FHIT: variants seen among roughly 807,000 people sequenced by gnomAD.
FHIT encodes fragile histidine triad diadenosine triphosphatase, also known as bis(5'-adenosyl)-triphosphatase.
In FHIT, 19 loss-of-function variants were observed where a neutral mutation model predicts 17.9. The observed-to-expected ratio is 1.06, with a 90% CI of 0.74 to 1.56. FHIT has a LOEUF of 1.56. Among genes scored for constraint, FHIT ranks in the 40% most tolerant of loss-of-function variants. FHIT has a pLI of 0.00. For missense variants in FHIT, 248 were observed against 189.2 expected (o/e 1.31, Z -1.82); for synonymous variants, 81 against 69.7 (o/e 1.16, Z -0.81).
chr3:60,299,636 GA>G (rs1708365434), intron 5 of FHIT, among the ~76,000 whole-genome samples: 1 of 152,084 alleles, frequency 6.6e-6, no homozygotes, highest in Non-Finnish European at 1.5e-5. Flanking sequence ...CTGAGTGGAG[GA>G]AAAGGTACTT....
intron 5 of FHIT, among the ~76,000 whole-genome samples, chr3:60,097,663 T>C (rs1189403722): frequency 6.6e-6 from 1 of 152,150 alleles, no homozygotes. Context: ...TTTCTGATTT[T>C]CTTTTTTTAA....
At chr3:59,814,621 C>G (rs1290993360) in intron 8 of FHIT, among the ~76,000 whole-genome samples, 1 of 152,158 alleles carries the variant, frequency 6.6e-6, no homozygotes, top group Non-Finnish European at 1.5e-5. Context: ...TCCCTTGTCC[C>G]CACATAGGTC....
intron 2 of FHIT, among the ~76,000 whole-genome samples, chr3:61,182,260 G>A (rs966019114): frequency 6.6e-6 from 1 of 152,132 alleles, no homozygotes; most frequent in Non-Finnish European, 1.5e-5. Flanking sequence ...CACGGTTAAA[G>A]TATGAAATGC....
chr3:60,607,546 T>C (rs1174566620), intron 4 of FHIT, among the ~76,000 whole-genome samples: 20 of 152,040 alleles, frequency 1.3e-4, no homozygotes, highest in African/African-American at 3.9e-4. Flanking sequence ...TTCTTTCTGA[T>C]TGAGGTAGCA....
intron 5 of FHIT, among the ~76,000 whole-genome samples, chr3:60,348,663 C>T (rs1273308791): frequency 1.3e-5 from 2 of 152,136 alleles, no homozygotes; most frequent in African/African-American, 4.8e-5. Flanking sequence ...GCAAAAATGG[C>T]CCCATGTAAT....
chr3:60,576,899 C>G (rs2037584628), intron 4 of FHIT, among the ~76,000 whole-genome samples: 1 of 151,314 alleles, frequency 6.6e-6, no homozygotes. Flanking sequence ...CCACATGCTT[C>G]TCATTTCCCA....
chr3:60,041,892 T>C (rs1701454097), intron 5 of FHIT, among the ~76,000 whole-genome samples: 1 of 152,238 alleles, frequency 6.6e-6, no homozygotes, highest in African/African-American at 2.4e-5. Context: ...TCCATGAATA[T>C]CTCAATTTAT....
chr3:60,601,760 A>T (rs573297607), intron 4 of FHIT, among the ~76,000 whole-genome samples: 1 of 152,194 alleles, frequency 6.6e-6, no homozygotes, highest in African/African-American at 2.4e-5. Flanking sequence ...CAGTTTCCTC[A>T]TAAGTGTTTT....
At chr3:60,486,092 T>C (rs1164158907) in intron 5 of FHIT, among the ~76,000 whole-genome samples, 1 of 152,096 alleles carries the variant, frequency 6.6e-6, no homozygotes, top group Non-Finnish European at 1.5e-5. Flanking sequence ...CAATGCCTAT[T>C]TCTACTAACT....
intron 5 of FHIT, among the ~76,000 whole-genome samples, chr3:60,495,354 G>C (rs2034257307): frequency 6.6e-6 from 1 of 152,110 alleles, no homozygotes; most frequent in African/African-American, 2.4e-5. Context: ...TCTTAAAGAA[G>C]AAATGGTCAA....
In FHIT at chr3:60,096,758, G is replaced by A. The variant is rs147586849; in HGVS notation, c.104-82606C>T. Among the ~76,000 whole-genome samples the A allele has an allele frequency of 5.0e-4, 76 of 152,270 alleles. 1 individual carries two copies. The East Asian group carries it at 0.014, about 27-fold the overall frequency. ...ATGGACAAAGAAAAACAAACTGCTG[G>A]CTAAATACAGAGCAGAGAGTGTCAT... On this transcript the variant is annotated intron_variant, in intron 5 of 9. Coordinates refer to ENST00000492590, the MANE Select transcript of FHIT (RefSeq NM_002012.4).
intron 4 of FHIT, among the ~76,000 whole-genome samples, chr3:60,629,166 G>T (rs12152491): frequency 0.72 from 109,898 of 151,892 alleles, 40,201 homozygotes; most frequent in South Asian, 0.84. Flanking sequence ...CTAGTGACCT[G>T]TTCCTCAGTG....
intron 3 of FHIT, among the ~76,000 whole-genome samples, chr3:60,960,414 T>A (rs926759648): frequency 3.9e-5 from 6 of 152,222 alleles, no homozygotes; most frequent in Non-Finnish European, 1.5e-5. Context: ...ATGATGACTA[T>A]TATTTTTTCA....
chr3:60,363,758 C>A (rs926050907), intron 5 of FHIT, among the ~76,000 whole-genome samples: 7 of 152,052 alleles, frequency 4.6e-5, no homozygotes, highest in African/African-American at 1.7e-4. Context: ...TCCCTGGCCC[C>A]CCTGGCCCCC....
intron 5 of FHIT, among the ~76,000 whole-genome samples, chr3:60,084,515 T>C (rs1265112598): frequency 6.6e-6 from 1 of 152,176 alleles, no homozygotes; most frequent in Non-Finnish European, 1.5e-5. Context: ...TAAGCTAAAA[T>C]TGTAATTAAA....
At chr3:61,208,122 G>T (rs1189480553) in intron 1 of FHIT, among the ~76,000 whole-genome samples, 1 of 152,144 alleles carries the variant, frequency 6.6e-6, no homozygotes, top group African/African-American at 2.4e-5. Flanking sequence ...TAATTGAGTG[G>T]TTTTGAGTGA....
At chr3:60,916,889 C>T (rs1553767235) in intron 3 of FHIT, among the ~76,000 whole-genome samples, 3 of 151,984 alleles carry the variant, frequency 2.0e-5, no homozygotes, top group African/African-American at 7.2e-5. Flanking sequence ...GAAGAGAATA[C>T]AGAATTAGAA....
chr3:59,920,158 T>C (rs1240903020), intron 8 of FHIT, among the ~76,000 whole-genome samples: 1 of 152,194 alleles, frequency 6.6e-6, no homozygotes, highest in Admixed American at 6.5e-5. Context: ...CTACTATCTA[T>C]TAACAAATTC....
chr3:60,583,197 A>G lies in FHIT; in HGVS notation c.-17-46218T>C, dbSNP rs1007460148. Among the ~76,000 whole-genome samples, 3 of 151,920 alleles carry G rather than the reference A, an allele frequency of 2.0e-5. No individual in the cohort carries two copies. The East Asian group carries it at 5.8e-4, about 29-fold the overall frequency. On this transcript the variant is annotated intron_variant, in intron 4 of 9. Transcript: ENST00000492590. ...CTCCTTACTGGTTTTATATTTTAACAGTTTTCACAAACTGTTTTTGGTTCC... is the reference window on the plus strand; with the variant it reads ...CTCCTTACTGGTTTTATATTTTAACGGTTTTCACAAACTGTTTTTGGTTCC...
Sources: allele counts gnomAD v4.1 joint callset (sites outside exome capture counted in the v4.1 genomes callset), GRCh38; gene constraint gnomAD v4.1.1; transcripts MANE v1.5; gene names NCBI Gene and HGNC (gene_info 2026-07-23, HGNC 2026-07-21).